Variants in CBFB observed in about 807,000 individuals in gnomAD.
CBFB encodes the protein CBF-beta.
Under a neutral mutation model 30.4 loss-of-function variants are expected in CBFB, and 9 were observed. The observed-to-expected ratio is 0.30, with a 90% confidence interval of 0.18 to 0.52. The LOEUF (loss-of-function observed/expected upper bound fraction) is 0.52. Ranked by LOEUF, CBFB falls within the 20% of genes least tolerant of loss-of-function variation. The pLI is 0.97. For synonymous variants in CBFB, 94 were observed against 84.0 expected, an observed-to-expected ratio of 1.12 and a Z score of -0.65; for missense variants, 170 against 244.0, an observed-to-expected ratio of 0.70 and a Z score of 2.02.
rs531721557 is a variant in CBFB at position 67,099,229 on chromosome 16, TTTTTG to T, written c.*460_*464del. On this transcript the variant is annotated 3_prime_UTR_variant, in exon 6 of 6. Transcript: ENST00000412916. ...CTTCATTTTAGATGAGCATTCTTAT[TTTTTG>T]TTTTGTTTGCCCCATTTCCTTTTGT... 6.4e-5 allele frequency: 15 copies of T among 233,458 alleles called. No homozygotes were observed. The South Asian group carries it at 2.3e-3, about 36-fold the overall frequency. The allele number at this position is 233,458 out of a possible 1,614,324, so 14.5% of individuals were successfully genotyped here.
intron 4 of CBFB, among the ~76,000 whole-genome samples, chr16:67,067,921 C>T (rs889527878): frequency 7.2e-5 from 11 of 152,148 alleles, no homozygotes; most frequent in African/African-American, 2.7e-4. Flanking sequence ...CTCATGTCAT[C>T]CAGAAAGCTG....
At chr16:67,082,671 ACT>A (rs1205184125) in intron 5 of CBFB, among the ~76,000 whole-genome samples, 3 of 151,842 alleles carry the variant, frequency 2.0e-5, no homozygotes, top group Non-Finnish European at 4.4e-5. Context: ...CATTATTAAA[ACT>A]CGAGTAATAC....
chr16:67,074,000 A>T (rs894933353), intron 4 of CBFB, among the ~76,000 whole-genome samples: 2 of 151,956 alleles, frequency 1.3e-5, no homozygotes, highest in Non-Finnish European at 2.9e-5. Flanking sequence ...CTGCACTCCA[A>T]GCCTGGGCAA....
chr16:67,066,752 G>A lies in CBFB; in HGVS notation c.353G>A (p.Arg118Lys). The change falls in exon 4 of 6, where the codon AGA (arginine) becomes AAA (lysine). Residue 118 changes from arginine (R) to lysine (K), a missense_variant. Physicochemically the swap from Arg to Lys is conservative, Grantham distance 26 (BLOSUM62 2). Transcript: ENST00000412916. Reference protein sequence around the residue: ...VIWKGWIDLQRLDGMGCLEFD... With the variant: ...VIWKGWIDLQKLDGMGCLEFD... ...TGGAAAGGCTGGATTGATCTCCAAA[G>A]ACTGGATGGTATGGGCTGTCTGGAG... 1 of 1,610,680 alleles carries A rather than the reference G, an allele frequency of 6.2e-7. No individual in the cohort carries two copies. The highest frequency in any genetic ancestry group is 8.5e-7 in the Non-Finnish European group (1 of 1,178,858).
intron 5 of CBFB, among the ~76,000 whole-genome samples, chr16:67,097,052 T>G (rs1287449777): frequency 6.7e-6 from 1 of 149,528 alleles, no homozygotes; most frequent in Non-Finnish European, 1.5e-5. Context: ...CCTGGCAACA[T>G]GGTGAAACCC....
At chr16:67,043,491 A>G (rs1966568474) in intron 3 of CBFB, among the ~76,000 whole-genome samples, 1 of 152,238 alleles carries the variant, frequency 6.6e-6, no homozygotes, top group Non-Finnish European at 1.5e-5. Flanking sequence ...AAGTCAGAGC[A>G]CAGAATTTTA....
intron 3 of CBFB, among the ~76,000 whole-genome samples, chr16:67,049,147 A>G (rs1966691314): frequency 6.7e-6 from 1 of 150,068 alleles, no homozygotes; most frequent in Non-Finnish European, 1.5e-5. Context: ...TATATTCACA[A>G]CCATCACCAT....
At chr16:67,051,355 C>T (rs1567609791) in intron 3 of CBFB, among the ~76,000 whole-genome samples, 1 of 151,816 alleles carries the variant, frequency 6.6e-6, no homozygotes, top group Admixed American at 6.6e-5. Context: ...GATTTTGAAA[C>T]CTGGTATGAA....
At chr16:67,040,129 G>T (rs1485083222) in intron 3 of CBFB, among the ~76,000 whole-genome samples, 2 of 152,000 alleles carry the variant, frequency 1.3e-5, no homozygotes, top group Admixed American at 6.6e-5. Context: ...CAGACTGTGG[G>T]GTCTCGAATT....
intron 3 of CBFB, among the ~76,000 whole-genome samples, chr16:67,066,243 A>G (rs1272845715): frequency 6.6e-6 from 1 of 151,914 alleles, no homozygotes; most frequent in African/African-American, 2.4e-5. Context: ...CTTTCTACCC[A>G]ACATTCAAAA....
At chr16:67,084,662 T>A (rs1050190518) in intron 5 of CBFB, among the ~76,000 whole-genome samples, 4 of 152,260 alleles carry the variant, frequency 2.6e-5, no homozygotes, top group Non-Finnish European at 4.4e-5. Context: ...CCACTTTTTT[T>A]AAGTTTTTAA....
chr16:67,033,105 C>T (rs1160880936), intron 2 of CBFB, among the ~76,000 whole-genome samples: 2 of 152,108 alleles, frequency 1.3e-5, no homozygotes, highest in Non-Finnish European at 2.9e-5. Context: ...AAACTCCTGA[C>T]CTCAGGTGAT....
chr16:67,089,084 C>T (rs1449293360), intron 5 of CBFB, among the ~76,000 whole-genome samples: 1 of 152,110 alleles, frequency 6.6e-6, no homozygotes, highest in Non-Finnish European at 1.5e-5. Context: ...CAGCCTATTT[C>T]AGTAGTACAA....
intron 4 of CBFB, among the ~76,000 whole-genome samples, chr16:67,075,196 A>T (rs199832022): frequency 1.4e-4 from 6 of 42,116 alleles, no homozygotes; most frequent in Non-Finnish European, 3.0e-4. Context: ...TCTCAAAAAA[A>T]ATGTGTGTGT....
At chr16:67,098,641 A>G (rs1454591183) in intron 5 of CBFB, 69 bp from the exon 6 acceptor site, 3 of 911,640 alleles carry the variant, frequency 3.3e-6, no homozygotes, top group Admixed American at 3.6e-5. Context: ...ACTGTCTTGT[A>G]TTTTGTATAT....
intron 2 of CBFB, among the ~76,000 whole-genome samples, chr16:67,036,003 A>G (rs1966434919): frequency 6.6e-6 from 1 of 152,122 alleles, no homozygotes; most frequent in South Asian, 2.1e-4. Flanking sequence ...ATCTATAAAT[A>G]TTTATTAGAT....
intron 5 of CBFB, among the ~76,000 whole-genome samples, chr16:67,088,535 G>A (rs962564943): frequency 6.6e-6 from 1 of 152,186 alleles, no homozygotes; most frequent in Non-Finnish European, 1.5e-5. Flanking sequence ...TTAGCGCTGG[G>A]AAATTAATTT....
At chr16:67,076,381 G>A (rs964702907) in intron 4 of CBFB, among the ~76,000 whole-genome samples, 1 of 151,928 alleles carries the variant, frequency 6.6e-6, no homozygotes, top group African/African-American at 2.4e-5. Context: ...GCAACAGACT[G>A]CCTCAAAAAA....
intron 2 of CBFB, among the ~76,000 whole-genome samples, chr16:67,034,637 G>C (rs536400996): frequency 2.0e-4 from 31 of 152,296 alleles, no homozygotes; most frequent in African/African-American, 7.2e-4. Flanking sequence ...CTCTTCTGAG[G>C]TTGGCATCAA....
Sources: allele counts gnomAD v4.1 joint callset (sites outside exome capture counted in the v4.1 genomes callset), GRCh38; gene constraint gnomAD v4.1.1; transcripts MANE v1.5; gene names NCBI Gene and HGNC (gene_info 2026-07-23, HGNC 2026-07-21).